Variants in CCNQ observed in about 807,000 individuals in gnomAD.
CCNQ encodes cyclin Q.
In CCNQ, 3 loss-of-function variants were observed where a neutral mutation model predicts 17.7. That is an observed-to-expected ratio of 0.17 (90% confidence interval 0.08 to 0.44). CCNQ has a LOEUF of 0.44. Among genes scored for constraint, CCNQ ranks in the 20% least tolerant of loss-of-function variants. The pLI is 0.99. For missense variants in CCNQ, 146 were observed against 222.6 expected (o/e 0.66, Z 2.19); for synonymous variants, 73 against 96.0 (o/e 0.76, Z 1.40).
intron 3 of CCNQ, among the ~76,000 whole-genome samples, chrX:153,593,172 G>A (rs1276889743): frequency 8.9e-6 from 1 of 112,502 alleles, no homozygotes; most frequent in Non-Finnish European, 1.9e-5. Flanking sequence ...TGCTGTCCTC[G>A]GCCACAACAT....
Position 153,592,687 on chromosome X carries a change from T to C in CCNQ, c.476A>G (p.His159Arg). The change falls in exon 4 of 5, where the codon CAC becomes CGC. Residue 159 changes from histidine to arginine, a missense_variant. By Grantham distance (29) the His-to-Arg change is conservative. Coordinates refer to ENST00000576892, the MANE Select transcript of CCNQ (RefSeq NM_152274.5). ...GGCAACAGGGGTCCGCTGCCAGCTG[T>C]GGCGGTTCAGCCAGTTCTGGAGGGA... ...LVSLQNWLNRHSWQRTPVAVT... is the reference protein window; with the variant it reads ...LVSLQNWLNRRSWQRTPVAVT... The C allele has an allele frequency of 8.3e-7, 1 of 1,211,232 alleles. No individual in the cohort carries two copies. Among genetic ancestry groups the C allele is most frequent in the Non-Finnish European group, 1.1e-6 (1 of 895,100 alleles).
rs782481531 is a variant in CCNQ at position 153,588,403 on chromosome X, G to C, written c.709C>G (p.Leu237Val). The change falls in exon 5 of 5, where the codon CTC becomes GTC. Residue 237 changes from leucine to valine, a missense_variant. Coordinates refer to ENST00000576892, the MANE Select transcript of CCNQ (RefSeq NM_152274.5). Reference protein sequence around the residue: ...KPIIDNIVSDLIQIYTMDTEI... With the variant: ...KPIIDNIVSDVIQIYTMDTEI... ...GTGTCCATGGTATAAATCTGAATGA[G>C]ATCAGACACAATATTATCAATGATT... The C allele has an allele frequency of 8.3e-7, 1 of 1,209,550 alleles. No individual in the cohort carries two copies. The highest frequency in any genetic ancestry group is 1.7e-5 in the African/African-American group (1 of 57,398).
rs782675582 is a variant in CCNQ at position 153,592,771 on chromosome X, C to A, written c.430-38G>T. 4 of 1,111,274 alleles carry A rather than the reference C, an allele frequency of 3.6e-6. No individual in the cohort carries two copies. The East Asian group carries it at 1.3e-4, about 35-fold the overall frequency. 91.6% of individuals were successfully genotyped at this position (1,111,274 alleles called of 1,213,427 possible). A position where few individuals can be genotyped will look rare whatever the true frequency, so the allele number is the denominator to read the frequency against. ...GTGTGTCAGCCTTTAGGCCCACCAGCTGCTCTCCTCATGCTGACATAATCA... is the reference window on the plus strand; with the variant it reads ...GTGTGTCAGCCTTTAGGCCCACCAGATGCTCTCCTCATGCTGACATAATCA... On this transcript the variant is annotated intron_variant, in intron 3 of 4. Coordinates refer to ENST00000576892, the MANE Select transcript of CCNQ (RefSeq NM_152274.5).
intron 1 of CCNQ, among the ~76,000 whole-genome samples, chrX:153,596,707 G>C (rs1173920423): frequency 8.9e-6 from 1 of 112,780 alleles, no homozygotes; most frequent in Admixed American, 9.3e-5. Flanking sequence ...ACTGAGCACT[G>C]GTTTCGTAGT....
intron 2 of CCNQ, among the ~76,000 whole-genome samples, 197 bp downstream of exon 2, chrX:153,595,807 C>T (rs782604505): frequency 8.9e-6 from 1 of 112,746 alleles, no homozygotes; most frequent in Non-Finnish European, 1.9e-5. Flanking sequence ...GTTTCTCTCA[C>T]AGACCCCACT....
chrX:153,595,325 C>A (rs1257781309), intron 2 of CCNQ, among the ~76,000 whole-genome samples: 13 of 111,599 alleles, frequency 1.2e-4, no homozygotes, highest in Non-Finnish European at 5.7e-5. Flanking sequence ...ACCATGTTGA[C>A]CAGGCTGGTC....
intron 1 of CCNQ, among the ~76,000 whole-genome samples, chrX:153,598,247 C>T (rs1408725296): frequency 2.7e-5 from 3 of 111,605 alleles, no homozygotes; most frequent in Non-Finnish European, 5.6e-5. Context: ...GAAACCCCGT[C>T]TCTACTAAAA....
chrX:153,596,516 G>A (rs1557027148), intron 1 of CCNQ, among the ~76,000 whole-genome samples: 1 of 112,645 alleles, frequency 8.9e-6, no homozygotes, highest in Admixed American at 9.3e-5. Context: ...TCCGAGGACC[G>A]CTCAGTTAGC....
At chrX:153,598,638 G>A (rs2091044812) in intron 1 of CCNQ, among the ~76,000 whole-genome samples, 1 of 113,330 alleles carries the variant, frequency 8.8e-6, no homozygotes. Flanking sequence ...AAAGTCTACC[G>A]GAGTGCAGGG....
chrX:153,596,335 G>C, intron 1 of CCNQ, 148 bp from the exon 2 acceptor site: 1 of 594,661 alleles, frequency 1.7e-6, no homozygotes, highest in Non-Finnish European at 2.7e-6. Flanking sequence ...CTCCTGCTGG[G>C]TCTCTTACTG....
rs1557027692 is a variant in CCNQ, at chrX:153,598,944, TC to T, written c.112+17del. The T allele has an allele frequency of 2.7e-6, 3 of 1,101,587 alleles. No homozygotes were observed. The highest frequency in any genetic ancestry group is 7.6e-5 in the East Asian group (2 of 26,242). 90.8% of individuals were successfully genotyped at this position (1,101,587 alleles called of 1,213,427 possible). A position where few individuals can be genotyped will look rare whatever the true frequency, so the allele number is the denominator to read the frequency against. On this transcript the variant is annotated intron_variant, in intron 1 of 4. Transcript: ENST00000576892. ...GGCCGCGGCGCCGCCTGTCCTGGCC[TC>T]CCCCGGCCGCGGTTACCTGCCTCCA...
chrX:153,598,799 C>G, intron 1 of CCNQ, among the ~76,000 whole-genome samples, 163 bp downstream of exon 1: 1 of 113,233 alleles, frequency 8.8e-6, no homozygotes, highest in East Asian at 2.8e-4. Context: ...GCTCACTGCT[C>G]AGCACACCGG....
intron 4 of CCNQ, among the ~76,000 whole-genome samples, chrX:153,590,379 G>A (rs1028352379): frequency 9.0e-6 from 1 of 110,798 alleles, no homozygotes; most frequent in Non-Finnish European, 1.9e-5. Context: ...CTGAGACGGG[G>A]GCTCCAACAT....
At position 153,589,144 on chromosome X, in the gene CCNQ, A is replaced by T. The variant is rs2090973786; in HGVS notation, c.658-690T>A. Among the ~76,000 whole-genome samples the T allele has an allele frequency of 2.7e-5, 3 of 112,671 alleles. No individual in the cohort carries two copies. In the Admixed American group the frequency reaches 2.8e-4, roughly 10 times the overall value. ...CTGGACTGCCAGGCGGTCTGTGCTA[A>T]CCACATCATTTATGGTGAGGGCCTT... is the stretch of plus-strand genomic sequence containing the variant. On this transcript the variant is annotated intron_variant, in intron 4 of 4. Coordinates refer to ENST00000576892, the MANE Select transcript of CCNQ (RefSeq NM_152274.5).
chrX:153,588,012 C>A lies in CCNQ; in HGVS notation c.*353G>T. The stretch of plus-strand genomic sequence containing the variant: ...CTACAAATCTGGCTTTTAAGAAATC[C>A]GTAGGGATTCAGTCTCATCGATTTC... On this transcript the variant is annotated 3_prime_UTR_variant, in exon 5 of 5. Transcript: ENST00000576892. 5.5e-6 allele frequency: 2 copies of A among 363,219 alleles called. No individual in the cohort carries two copies. The highest frequency in any genetic ancestry group is 7.0e-5 in the South Asian group (2 of 28,424). The allele number at this position is 363,219 out of a possible 1,213,427, so 29.9% of individuals were successfully genotyped here. A position where few individuals can be genotyped will look rare whatever the true frequency, so the allele number is the denominator to read the frequency against.
intron 3 of CCNQ, 141 bp from the exon 4 acceptor site, chrX:153,592,874 C>T (rs1453829190): frequency 1.2e-5 from 7 of 572,704 alleles, no homozygotes; most frequent in Non-Finnish European, 2.0e-5. Context: ...CTGGCCCCAT[C>T]TCCTGCCGAT....
chrX:153,587,992 A>T lies in CCNQ; in HGVS notation c.*373T>A. 3.0e-6 allele frequency: 1 copy of T among 337,064 alleles called. No homozygotes were observed. Among genetic ancestry groups the T allele is most frequent in the South Asian group, 3.6e-5 (1 of 28,068 alleles). The allele number at this position is 337,064 out of a possible 1,213,427, so 27.8% of individuals were successfully genotyped here. ...ACGTTGCACATTCATTCTCCCTACA[A>T]ATCTGGCTTTTAAGAAATCCGTAGG... On this transcript the variant is annotated 3_prime_UTR_variant, in exon 5 of 5. Transcript: ENST00000576892.
rs2091021271 is a variant in CCNQ at position 153,595,497 on chromosome X, A to C, written c.296+507T>G. Among the ~76,000 whole-genome samples, 3 of 113,732 alleles carry C rather than the reference A, an allele frequency of 2.6e-5. No individual in the cohort carries two copies. The Admixed American group carries it at 2.8e-4, about 10-fold the overall frequency. ...CATTTCTCAGTTTTGTATTTCCCAG[A>C]CCGTCTTTCCCTCGCCTTGGCGAAG... is the stretch of plus-strand genomic sequence containing the variant. On this transcript the variant is annotated intron_variant, in intron 2 of 4. Transcript: ENST00000576892.
chrX:153,593,553 A>G (rs782491097), intron 3 of CCNQ, among the ~76,000 whole-genome samples: 2 of 111,589 alleles, frequency 1.8e-5, no homozygotes, highest in Non-Finnish European at 3.8e-5. Flanking sequence ...CATTCTGCCC[A>G]CTAAGACACT....
Sources: allele counts gnomAD v4.1 joint callset (sites outside exome capture counted in the v4.1 genomes callset), GRCh38; gene constraint gnomAD v4.1.1; transcripts MANE v1.5; gene names NCBI Gene and HGNC (gene_info 2026-07-23, HGNC 2026-07-21).